Variants in CDH23 observed in about 807,000 individuals in gnomAD.
CDH23 encodes the protein cadherin related 23.
In CDH23, 189 loss-of-function variants were observed where a neutral mutation model predicts 317.1. That is an observed-to-expected ratio of 0.60 (90% CI 0.53 to 0.67). The LOEUF is 0.67. CDH23 is among the 30% of genes least tolerant of loss of function. The pLI is 0.00. For synonymous variants in CDH23, 1,839 were observed against 1,876.8 expected, an observed-to-expected ratio of 0.98 and a Z score of 0.52; for missense variants, 4,401 against 4,592.4, an observed-to-expected ratio of 0.96 and a Z score of 1.20.
rs116032341 is a variant in CDH23, at chr10:71,438,424, T to C, written c.-5-1403T>C. 3.9e-3 allele frequency among the ~76,000 whole-genome samples: 596 copies of C among 151,942 alleles called. 5 individuals carry two copies. The highest frequency in any genetic ancestry group is 0.014 in the African/African-American group (562 of 41,434). ...GAATCTTTTATTCTTCAAATGACTGTCTCATACTTTGTAATTAGGATGTTT... is the reference window on the plus strand; with the variant it reads ...GAATCTTTTATTCTTCAAATGACTGCCTCATACTTTGTAATTAGGATGTTT... On this transcript the variant is annotated intron_variant, in intron 1 of 69. Transcript: ENST00000224721.
chr10:71,677,439 C>T lies in CDH23; in HGVS notation c.1515-17C>T, dbSNP rs767188447. 3.8e-6 allele frequency: 6 copies of T among 1,584,528 alleles called. No individual in the cohort carries two copies. In the Admixed American group the frequency reaches 1.1e-4, roughly 28 times the overall value. ...AACCACGGTGTTCCTTCTCTCCATC[C>T]TCTCGGCCTGGCACAGGTTCTCGCT... On this transcript the variant is annotated splice_polypyrimidine_tract_variant and intron_variant, in intron 15 of 69. Coordinates refer to ENST00000224721, the MANE Select transcript of CDH23 (RefSeq NM_022124.6).
At chr10:71,494,608 A>G (rs768455061) in intron 3 of CDH23, among the ~76,000 whole-genome samples, 1 of 152,220 alleles carries the variant, frequency 6.6e-6, no homozygotes, top group Non-Finnish European at 1.5e-5. Context: ...AGTGTCTCCC[A>G]TACGGTAGAT....
At chr10:71,645,693 T>C (rs371686435) in intron 12 of CDH23, 138 bp from the exon 13 acceptor site, 275 of 965,342 alleles carry the variant, frequency 2.8e-4, no homozygotes, top group Non-Finnish European at 4.1e-4. Context: ...AAAGCCCTGC[T>C]CTGTCCCAGC....
intron 44 of CDH23, among the ~76,000 whole-genome samples, chr10:71,787,959 T>C (rs1331097756): frequency 2.0e-5 from 3 of 152,216 alleles, no homozygotes; most frequent in Non-Finnish European, 4.4e-5. Context: ...CTTTGAGAAA[T>C]CTCCATATTG....
At chr10:71,808,049 C>A in intron 60 of CDH23, 42 bp downstream of exon 60, 1 of 1,556,842 alleles carries the variant, frequency 6.4e-7, no homozygotes, top group East Asian at 2.4e-5. Context: ...GCCATGACCT[C>A]TCAGTCACTG....
intron 23 of CDH23, 39 bp from the exon 24 acceptor site, chr10:71,702,510 T>TA: frequency 6.2e-7 from 1 of 1,613,216 alleles, no homozygotes; most frequent in Non-Finnish European, 8.5e-7. Context: ...GCACCCATCT[T>TA]ACCCTGTCCT....
intron 9 of CDH23, among the ~76,000 whole-genome samples, chr10:71,581,118 G>A (rs1858598625): frequency 6.6e-6 from 1 of 152,252 alleles, no homozygotes; most frequent in Admixed American, 6.5e-5. Flanking sequence ...GGCCTGGCCA[G>A]TGCCTGTTTA....
chr10:71,445,966 T>G (rs888744867), intron 2 of CDH23, among the ~76,000 whole-genome samples: 4 of 152,214 alleles, frequency 2.6e-5, no homozygotes, highest in African/African-American at 9.6e-5. Context: ...ATATAATCAA[T>G]GTAAAAGATC....
intron 48 of CDH23, among the ~76,000 whole-genome samples, chr10:71,793,855 C>T (rs1448454592): frequency 1.3e-5 from 2 of 152,210 alleles, no homozygotes; most frequent in Non-Finnish European, 2.9e-5. Context: ...TTGAGCAGCT[C>T]CTCTGGCCTT....
intron 3 of CDH23, among the ~76,000 whole-genome samples, chr10:71,500,852 T>C (rs904765075): frequency 7.3e-5 from 11 of 151,286 alleles, no homozygotes; most frequent in African/African-American, 1.7e-4. Context: ...TTTCTTCCTT[T>C]CTTTCTTTCT....
At chr10:71,487,367 A>C (rs554106383) in intron 3 of CDH23, among the ~76,000 whole-genome samples, 1 of 152,296 alleles carries the variant, frequency 6.6e-6, no homozygotes, top group Admixed American at 6.5e-5. Context: ...CTCCCTGAGA[A>C]CTTAGCCCAA....
chr10:71,445,785 C>T (rs1850128713), intron 2 of CDH23, among the ~76,000 whole-genome samples: 1 of 143,788 alleles, frequency 7.0e-6, no homozygotes, highest in African/African-American at 2.6e-5. Context: ...GTGGTCCGGC[C>T]TGCCGTGAGC....
chr10:71,667,640 G>A (rs1003978793), intron 14 of CDH23, among the ~76,000 whole-genome samples: 1 of 152,056 alleles, frequency 6.6e-6, no homozygotes, highest in Non-Finnish European at 1.5e-5. Flanking sequence ...AGACACACAA[G>A]GCAGGCAACC....
chr10:71,452,579 G>T (rs368172982), intron 3 of CDH23, among the ~76,000 whole-genome samples: 1 of 152,064 alleles, frequency 6.6e-6, no homozygotes, highest in African/African-American at 2.4e-5. Context: ...GTGCTTAGAG[G>T]CTTCTGAAGC....
chr10:71,726,406 C>T (rs1388474861), intron 30 of CDH23, among the ~76,000 whole-genome samples: 1 of 152,150 alleles, frequency 6.6e-6, no homozygotes. Context: ...CGGGTACTCA[C>T]GATCACAAAC....
intron 7 of CDH23, among the ~76,000 whole-genome samples, chr10:71,567,216 G>T (rs898987696): frequency 1.3e-5 from 2 of 152,168 alleles, no homozygotes; most frequent in African/African-American, 4.8e-5. Context: ...GAAAACTGAG[G>T]CACAGGAGCA....
At chr10:71,688,596 T>TCAGGGGTGGTGGAGC (rs1243647182) in intron 19 of CDH23, among the ~76,000 whole-genome samples, 1 of 62,364 alleles carries the variant, frequency 1.6e-5, no homozygotes, top group Non-Finnish European at 3.2e-5. Context: ...GGTGGTGGAG[T>TCAGGGGTGGTGGAGC]CAGGGGTGGT....
chr10:71,568,685 C>T (rs928268548), intron 7 of CDH23, among the ~76,000 whole-genome samples: 1 of 152,146 alleles, frequency 6.6e-6, no homozygotes, highest in African/African-American at 2.4e-5. Flanking sequence ...TGAGCACTTC[C>T]CCAAGGAAGG....
chr10:71,786,258 G>T (rs1589420544), intron 44 of CDH23, among the ~76,000 whole-genome samples: 1 of 152,160 alleles, frequency 6.6e-6, no homozygotes, highest in Non-Finnish European at 1.5e-5. Flanking sequence ...GTCCCTTTGG[G>T]TTGGGGGTCA....
Sources: allele counts gnomAD v4.1 joint callset (sites outside exome capture counted in the v4.1 genomes callset), GRCh38; gene constraint gnomAD v4.1.1; transcripts MANE v1.5; gene names NCBI Gene and HGNC (gene_info 2026-07-23, HGNC 2026-07-21).